Variants in BNC2 observed in about 807,000 individuals in gnomAD.
BNC2 encodes the protein zinc finger protein basonuclin-2.
A neutral mutation model predicts 76.3 loss-of-function variants in BNC2; 20 were observed. That is an observed-to-expected ratio of 0.26 (90% CI 0.18 to 0.38). The LOEUF (loss-of-function observed/expected upper bound fraction) is 0.38, where lower values mean the gene tolerates loss of function less well. Among genes scored for constraint, BNC2 ranks in the 10% least tolerant of loss-of-function variants. BNC2 has a pLI of 1.00. For synonymous variants in BNC2, 582 were observed against 514.8 expected, an observed-to-expected ratio of 1.13 and a Z score of -1.77; for missense variants, 1,382 against 1,399.8, an observed-to-expected ratio of 0.99 and a Z score of 0.20.
chr9:16,784,789 T>G (rs1826239603), intron 1 of BNC2, among the ~76,000 whole-genome samples: 1 of 152,184 alleles, frequency 6.6e-6, no homozygotes. Context: ...TGATGTGAAC[T>G]CACAGTATAA....
intron 6 of BNC2, chr9:16,429,243 T>A (rs1820859841): frequency 6.6e-6 from 1 of 152,164 alleles, no homozygotes; most frequent in Non-Finnish European, 1.5e-5. Context: ...CCACGAATGA[T>A]CACTTACAGC....
chr9:16,810,798 T>C (rs1329187906), intron 1 of BNC2, among the ~76,000 whole-genome samples: 9 of 152,230 alleles, frequency 5.9e-5, no homozygotes, highest in Admixed American at 2.6e-4. Context: ...CATGGGAATG[T>C]AGACAAGGTG....
intron 5 of BNC2, among the ~76,000 whole-genome samples, chr9:16,524,900 C>T (rs533127078): frequency 5.6e-4 from 85 of 152,142 alleles, no homozygotes; most frequent in African/African-American, 1.9e-3. Context: ...ATAGTTTGAC[C>T]CTGTCTCTAC....
intron 4 of BNC2, chr9:16,575,147 A>G: frequency 2.4e-6 from 1 of 415,232 alleles, no homozygotes; most frequent in Non-Finnish European, 3.2e-6. Flanking sequence ...ATGACAGAAC[A>G]GAGAGATTAT....
intron 3 of BNC2, among the ~76,000 whole-genome samples, chr9:16,700,586 T>C (rs1209879328): frequency 1.3e-5 from 2 of 152,204 alleles, no homozygotes; most frequent in South Asian, 2.1e-4. Context: ...GCTGGGACTA[T>C]AGGTGCGTGC....
chr9:16,483,218 C>G (rs1822096081), intron 5 of BNC2, among the ~76,000 whole-genome samples: 1 of 152,220 alleles, frequency 6.6e-6, no homozygotes, highest in Non-Finnish European at 1.5e-5. Flanking sequence ...AGTATATTCT[C>G]TACCACCTTG....
Position 16,559,190 on chromosome 9 carries a change from G to C in BNC2, c.434-6425C>G, listed in dbSNP as rs541064196. Among the ~76,000 whole-genome samples the C allele has an allele frequency of 2.4e-4, 36 of 152,228 alleles. No individual in the cohort carries two copies. The South Asian group carries it at 7.5e-3, about 32-fold the overall frequency. On this transcript the variant is annotated intron_variant, in intron 4 of 6. Coordinates refer to ENST00000380672, the MANE Select transcript of BNC2 (RefSeq NM_017637.6). Reference sequence around the variant, plus strand: ...ACTATATATCAGGCATCATTCTAGAGCAAATTTGTCCAAACCATGGCCCAG... The same window carrying C: ...ACTATATATCAGGCATCATTCTAGACCAAATTTGTCCAAACCATGGCCCAG...
chr9:16,631,416 G>GTA (rs1298923173), intron 3 of BNC2, among the ~76,000 whole-genome samples: 1 of 152,194 alleles, frequency 6.6e-6, no homozygotes, highest in Non-Finnish European at 1.5e-5. Context: ...CACTGGAGTA[G>GTA]TATATAACAC....
intron 5 of BNC2, among the ~76,000 whole-genome samples, chr9:16,467,538 T>C (rs1430248828): frequency 1.6e-5 from 2 of 127,228 alleles, no homozygotes; most frequent in African/African-American, 6.2e-5. Context: ...TGTAGGGACA[T>C]GGATGAAATT....
At chr9:16,508,247 G>A (rs1822674970) in intron 5 of BNC2, among the ~76,000 whole-genome samples, 2 of 152,170 alleles carry the variant, frequency 1.3e-5, no homozygotes, top group Admixed American at 1.3e-4. Context: ...AGGTCCTCAG[G>A]ACTTCTGGTC....
chr9:16,678,267 C>CTTTTTTTTTTTTTTTTTTTTTTTT (rs140809930), intron 3 of BNC2, among the ~76,000 whole-genome samples: 2 of 80,718 alleles, frequency 2.5e-5, no homozygotes, highest in African/African-American at 1.1e-4. Flanking sequence ...CTTTCTTTTT[C>CTTTTTTTTTTTTTTTTTTTTTTTT]TTTTTTTTTT....
chr9:16,451,092 C>G (rs1283505126), intron 5 of BNC2, among the ~76,000 whole-genome samples: 1 of 152,010 alleles, frequency 6.6e-6, no homozygotes, highest in Non-Finnish European at 1.5e-5. Context: ...ATTTCGTTGC[C>G]TTTTTACCTT....
At chr9:16,557,305 G>C (rs2132616946) in intron 4 of BNC2, among the ~76,000 whole-genome samples, 1 of 152,034 alleles carries the variant, frequency 6.6e-6, no homozygotes, top group East Asian at 1.9e-4. Flanking sequence ...TTGAGACCAG[G>C]CTGGCCAACA....
intron 3 of BNC2, among the ~76,000 whole-genome samples, chr9:16,659,832 T>G: frequency 6.6e-6 from 1 of 152,160 alleles, no homozygotes; most frequent in African/African-American, 2.4e-5. Context: ...TATTCTCTGC[T>G]TTTTTCTTCA....
rs1156868278 is a variant in BNC2, at chr9:16,414,397, A to C, written c.*4592T>G. 3 of 152,126 alleles carry C rather than the reference A, an allele frequency of 2.0e-5. No homozygotes were observed. The highest frequency in any genetic ancestry group is 4.4e-5 in the Non-Finnish European group (3 of 68,032). The allele number at this position is 152,126 out of a possible 1,614,324, so 9.4% of individuals were successfully genotyped here. A position where few individuals can be genotyped will look rare whatever the true frequency, so the allele number is the denominator to read the frequency against. On this transcript the variant is annotated 3_prime_UTR_variant, in exon 7 of 7. Transcript: ENST00000380672. ...TCTGGTATCTTTTATTGCTCATCTT[A>C]CTCATTTAGATCCATCCCCAAAAAA... is the stretch of plus-strand genomic sequence containing the variant.
intron 3 of BNC2, among the ~76,000 whole-genome samples, chr9:16,600,369 A>G (rs1027203524): frequency 6.6e-6 from 1 of 152,230 alleles, no homozygotes; most frequent in African/African-American, 2.4e-5. Context: ...ATTGTCAAAT[A>G]TATTACCTGT....
In BNC2 at chr9:16,788,344, G is replaced by A. The variant is rs552617498; in HGVS notation, c.4-49859C>T. The stretch of plus-strand genomic sequence containing the variant: ...CAAGGTGGGCAGATCATGAAGTCAG[G>A]AGATCGAGACCATCCTGGCTAACAT... On this transcript the variant is annotated intron_variant, in intron 1 of 6. Transcript: ENST00000380672. 2.3e-3 allele frequency among the ~76,000 whole-genome samples: 342 copies of A among 151,744 alleles called. 2 individuals are homozygous for A. Among genetic ancestry groups the A allele is most frequent in the African/African-American group, 7.4e-3 (308 of 41,454 alleles).
intron 5 of BNC2, among the ~76,000 whole-genome samples, chr9:16,495,718 T>C (rs1211195108): frequency 6.6e-6 from 1 of 152,148 alleles, no homozygotes; most frequent in Non-Finnish European, 1.5e-5. Flanking sequence ...GCCCAGTGGC[T>C]GGGGCTTAGA....
intron 3 of BNC2, among the ~76,000 whole-genome samples, chr9:16,719,436 G>A (rs1824082752): frequency 6.6e-6 from 1 of 152,256 alleles, no homozygotes; most frequent in African/African-American, 2.4e-5. Flanking sequence ...ATTACTTGTT[G>A]TCATGTAAAA....
Sources: gnomAD v4.1 joint callset for allele counts (sites outside exome capture counted in the v4.1 genomes callset) on GRCh38, gnomAD v4.1.1 for gene constraint, MANE v1.5 for transcripts, NCBI Gene and HGNC (gene_info 2026-07-23, HGNC 2026-07-21) for gene names.